ZFYVE28: variants seen among roughly 807,000 people sequenced by gnomAD.
ZFYVE28 encodes zinc finger FYVE-type containing 28.
ZFYVE28 carries 40 observed loss-of-function variants against 82.1 expected under a neutral mutation model. The observed-to-expected ratio is 0.49, with a 90% CI of 0.38 to 0.63. The LOEUF (loss-of-function observed/expected upper bound fraction) is 0.63, where lower values mean the gene tolerates loss of function less well. ZFYVE28 is among the 30% of genes least tolerant of loss of function. The pLI is 0.00. For synonymous variants in ZFYVE28, 612 were observed against 546.1 expected, an observed-to-expected ratio of 1.12 and a Z score of -1.68; for missense variants, 1,321 against 1,242.1, an observed-to-expected ratio of 1.06 and a Z score of -0.96.
chr4:2,349,680 C>T (rs11734895), intron 2 of ZFYVE28, among the ~76,000 whole-genome samples: 19,412 of 151,936 alleles, frequency 0.13, 1,507 homozygotes, highest in East Asian at 0.21. Flanking sequence ...GCTGCTATTG[C>T]TGTTGAGTGA....
At chr4:2,393,208 G>C (rs755134099) in intron 1 of ZFYVE28, among the ~76,000 whole-genome samples, 1 of 152,204 alleles carries the variant, frequency 6.6e-6, no homozygotes, top group African/African-American at 2.4e-5. Flanking sequence ...AAATCTCACC[G>C]CATCCGCTGC....
At chr4:2,350,490 TA>T (rs1218151419) in intron 2 of ZFYVE28, among the ~76,000 whole-genome samples, 2 of 151,158 alleles carry the variant, frequency 1.3e-5, no homozygotes, top group East Asian at 3.9e-4. Context: ...AGAAAGAAAG[TA>T]TGATATTGTA....
chr4:2,315,025 C>G (rs1718006380), intron 7 of ZFYVE28, among the ~76,000 whole-genome samples: 1 of 152,096 alleles, frequency 6.6e-6, no homozygotes, highest in Non-Finnish European at 1.5e-5. Context: ...ATCCTCCTGC[C>G]TTGGCCTCCC....
At chr4:2,283,015 CG>C (rs1712157604) in intron 8 of ZFYVE28, among the ~76,000 whole-genome samples, 1 of 152,168 alleles carries the variant, frequency 6.6e-6, no homozygotes, top group Non-Finnish European at 1.5e-5. Flanking sequence ...ATTAGCAGCT[CG>C]GGCATTTGTA....
intron 8 of ZFYVE28, among the ~76,000 whole-genome samples, chr4:2,297,861 TGGGA>T (rs1174727125): frequency 1.4e-5 from 2 of 138,888 alleles, no homozygotes; most frequent in African/African-American, 5.6e-5. Context: ...CGGGCTGTGC[TGGGA>T]GGAACGGCAG....
At chr4:2,330,834 G>A (rs1041150581) in intron 6 of ZFYVE28, 21 of 1,534,802 alleles carry the variant, frequency 1.4e-5, no homozygotes, top group African/African-American at 9.6e-5. Context: ...CCAGGGCAGC[G>A]GGTGCGTGGG....
intron 7 of ZFYVE28, among the ~76,000 whole-genome samples, chr4:2,308,627 C>CAGAAAGAAAGAAAGAAAGAAAGAAAGAA (rs58958771): frequency 7.5e-5 from 6 of 79,580 alleles, no homozygotes; most frequent in East Asian, 7.5e-4. Flanking sequence ...AGAAAGAAGA[C>CAGAAAGAAAGAAAGAAAGAAAGAAAGAA]AGAAAGAAAG....
intron 10 of ZFYVE28, among the ~76,000 whole-genome samples, chr4:2,272,574 GC>G (rs1419273308): frequency 6.6e-6 from 1 of 152,228 alleles, no homozygotes; most frequent in Non-Finnish European, 1.5e-5. Flanking sequence ...ACGTGTATGT[GC>G]ACGTGTCTCT....
Position 2,418,141 on chromosome 4 carries a change from G to C in ZFYVE28, c.39+144C>G, listed in dbSNP as rs972359110. 1 of 644,810 alleles carries C rather than the reference G, an allele frequency of 1.6e-6. No homozygotes were observed. The highest frequency in any genetic ancestry group is 2.0e-5 in the African/African-American group (1 of 51,020). The allele number at this position is 644,810 out of a possible 1,614,324, so 39.9% of individuals were successfully genotyped here. Reference sequence around the variant, plus strand: ...GCGATGAAGATCTGTCCAAGTCTTGGAGTGGAGGGAAGGATGTCGGCGGTG... The same window carrying C: ...GCGATGAAGATCTGTCCAAGTCTTGCAGTGGAGGGAAGGATGTCGGCGGTG... On this transcript the variant is annotated intron_variant, in intron 1 of 12. Transcript: ENST00000290974. This position sits in a 1 kb window ranked among gnomAD's most constrained non-coding sequence, Gnocchi z 4.6.
rs1174038946 is a variant in ZFYVE28, at chr4:2,335,926, C to A, written c.612-132G>T. 10 of 693,306 alleles carry A rather than the reference C, an allele frequency of 1.4e-5. No homozygotes were observed. The highest frequency in any genetic ancestry group is 2.6e-5 in the Non-Finnish European group (10 of 391,366). 42.9% of individuals were successfully genotyped at this position (693,306 alleles called of 1,614,324 possible). On this transcript the variant is annotated intron_variant, in intron 5 of 12. Transcript: ENST00000290974. The surrounding 1 kb of genome is among the most constrained non-coding windows in gnomAD (Gnocchi z 5.8). Reference sequence around the variant, plus strand: ...GCGTGGTGGCCACGTCAAGAGGTGACACATGCCACCCCCAGTCCTCATATG... The same window carrying A: ...GCGTGGTGGCCACGTCAAGAGGTGAAACATGCCACCCCCAGTCCTCATATG...
At chr4:2,278,793 G>C (rs1045221354) in intron 8 of ZFYVE28, among the ~76,000 whole-genome samples, 1 of 151,508 alleles carries the variant, frequency 6.6e-6, no homozygotes, top group African/African-American at 2.4e-5. Context: ...AAACGGATTT[G>C]AATAGACATT....
chr4:2,344,908 A>G (rs966842759), intron 2 of ZFYVE28, among the ~76,000 whole-genome samples: 2 of 150,344 alleles, frequency 1.3e-5, no homozygotes, highest in Non-Finnish European at 3.0e-5. Flanking sequence ...CTCAAAAACA[A>G]AAAACAAAAA....
Position 2,304,824 on chromosome 4 carries a change from G to A in ZFYVE28, c.1516C>T (p.His506Tyr). The A allele has an allele frequency of 1.2e-6, 2 of 1,612,664 alleles. No homozygotes were observed. The highest frequency in any genetic ancestry group is 8.5e-7 in the Non-Finnish European group (1 of 1,179,930). The change falls in exon 8 of 13, where the codon CAC (histidine) becomes TAC (tyrosine). Residue 506 changes from histidine to tyrosine, a missense_variant. By Grantham distance (83) the His-to-Tyr change is moderately conservative. Transcript: ENST00000290974. ...GAGAGCTTCATGCCCCCTGTCCGGTGGGCGATCATCTCAGCCGTCTCTGCG... is the reference window on the plus strand; with the variant it reads ...GAGAGCTTCATGCCCCCTGTCCGGTAGGCGATCATCTCAGCCGTCTCTGCG... Reference protein sequence around the residue: ...DDAETAEMIAHRTGGMKLSAT... With the variant: ...DDAETAEMIAYRTGGMKLSAT...
In ZFYVE28 at chr4:2,407,737, C is replaced by A. The variant is rs181392493; in HGVS notation, c.39+10548G>T. Among the ~76,000 whole-genome samples the A allele has an allele frequency of 6.0e-3, 918 of 152,220 alleles. 2 individuals are homozygous for A. Among genetic ancestry groups the A allele is most frequent in the Middle Eastern group, 0.01 (3 of 294 alleles). Reference sequence around the variant, plus strand: ...TCCCGAGTAGCTGGGATTACAGACGCACCACCACGCCCAGCTAATTTTGTA... The same window carrying A: ...TCCCGAGTAGCTGGGATTACAGACGAACCACCACGCCCAGCTAATTTTGTA... On this transcript the variant is annotated intron_variant, in intron 1 of 12. Transcript: ENST00000290974.
chr4:2,407,066 C>T (rs371321094), intron 1 of ZFYVE28, among the ~76,000 whole-genome samples: 12 of 152,088 alleles, frequency 7.9e-5, no homozygotes, highest in Admixed American at 5.2e-4. Context: ...CGGATGCTCA[C>T]GCTCCCCAAG....
intron 1 of ZFYVE28, among the ~76,000 whole-genome samples, chr4:2,379,487 C>T (rs1247577803): frequency 6.6e-6 from 1 of 152,176 alleles, no homozygotes; most frequent in African/African-American, 2.4e-5. Context: ...AGATTGTCAG[C>T]ACATTATAAT....
chr4:2,369,839 T>TTTTATTTTATTTAATTTA (rs561534155), intron 1 of ZFYVE28, among the ~76,000 whole-genome samples: 1 of 139,684 alleles, frequency 7.2e-6, no homozygotes, highest in South Asian at 2.3e-4. Context: ...AGGGATTTTT[T>TTTTATTTTATTTAATTTA]TTTTTCTTTT....
intron 8 of ZFYVE28, among the ~76,000 whole-genome samples, chr4:2,292,019 C>T (rs950302189): frequency 7.2e-5 from 11 of 152,182 alleles, no homozygotes; most frequent in African/African-American, 2.4e-4. Flanking sequence ...CTCAGTGCCA[C>T]CTCCTTTCCA....
chr4:2,313,117 GT>G lies in ZFYVE28; in HGVS notation c.803+7052del, dbSNP rs984303342. The stretch of plus-strand genomic sequence containing the variant: ...TGGGGATTTTTCCAGGTTTTTCCAG[GT>G]TTTTTTTTTTTTTTGATACCTGGCT... On this transcript the variant is annotated intron_variant, in intron 7 of 12. Transcript: ENST00000290974. Among the ~76,000 whole-genome samples the G allele has an allele frequency of 3.9e-3, 544 of 139,576 alleles. 2 individuals carry two copies. The highest frequency in any genetic ancestry group is 3.6e-3 in the Middle Eastern group (1 of 274). 91.6% of individuals were successfully genotyped at this position (139,576 alleles called of 152,430 possible).
Sources: allele counts gnomAD v4.1 joint callset (sites outside exome capture counted in the v4.1 genomes callset), GRCh38; gene constraint gnomAD v4.1.1; non-coding constraint Gnocchi (gnomAD v3.1); transcripts MANE v1.5; gene names NCBI Gene and HGNC (gene_info 2026-07-23, HGNC 2026-07-21).